The following SCN9A variants were observed in gnomAD, a reference collection of about 807,000 sequenced individuals.
SCN9A encodes the protein sodium channel protein type 9 subunit alpha.
In SCN9A, 131 loss-of-function variants were observed where a neutral mutation model predicts 187.0. The observed-to-expected ratio is 0.70, with a 90% CI of 0.61 to 0.81. The LOEUF (loss-of-function observed/expected upper bound fraction) is 0.81, where lower values mean the gene tolerates loss of function less well. Ranked by LOEUF, SCN9A falls within the 30% of genes least tolerant of loss-of-function variation. The pLI is 0.00. For synonymous variants in SCN9A, 809 were observed against 808.6 expected, an observed-to-expected ratio of 1.00 and a Z score of -0.01; for missense variants, 2,252 against 2,396.6, an observed-to-expected ratio of 0.94 and a Z score of 1.26.
intron 16 of SCN9A, chr2:166,276,458 T>A (rs1192383529): frequency 1.3e-5 from 2 of 152,222 alleles, no homozygotes; most frequent in African/African-American, 4.8e-5. Flanking sequence ...TATTCTTCTT[T>A]TGATTATTTT....
intron 17 of SCN9A, among the ~76,000 whole-genome samples, chr2:166,266,972 C>A (rs1696769092): frequency 6.6e-6 from 1 of 151,848 alleles, no homozygotes; most frequent in African/African-American, 2.4e-5. Context: ...TTAGAACTCT[C>A]TATATCTAAG....
chr2:166,207,571 G>T (rs1025467842), intron 24 of SCN9A, among the ~76,000 whole-genome samples: 1 of 152,030 alleles, frequency 6.6e-6, no homozygotes, highest in African/African-American at 2.4e-5. Flanking sequence ...CTCCCAAGTA[G>T]CTGGGATTAC....
At chr2:166,322,553 A>G (rs1275744797) in intron 1 of SCN9A, among the ~76,000 whole-genome samples, 1 of 152,156 alleles carries the variant, frequency 6.6e-6, no homozygotes, top group Non-Finnish European at 1.5e-5. Context: ...GCTTAACAGG[A>G]AGAGTTTTGC....
In SCN9A at chr2:166,197,943, AG is replaced by A. The variant is rs1693291281; in HGVS notation, c.*728del. The A allele has an allele frequency of 6.6e-6, 1 of 152,122 alleles. No homozygotes were observed. The highest frequency in any genetic ancestry group is 1.5e-5 in the Non-Finnish European group (1 of 67,986). The allele number at this position is 152,122 out of a possible 1,614,324, so 9.4% of individuals were successfully genotyped here. ...TTCTGTGGTTATTCTATGAACAAAA[AG>A]GGATATGAAAGAAGAAAGGCTATGA... On this transcript the variant is annotated 3_prime_UTR_variant, in exon 27 of 27. Coordinates refer to ENST00000642356, the MANE Select transcript of SCN9A (RefSeq NM_001365536.1).
chr2:166,369,100 G>C (rs1700490135), intron 1 of SCN9A, among the ~76,000 whole-genome samples: 1 of 151,844 alleles, frequency 6.6e-6, no homozygotes, highest in Non-Finnish European at 1.5e-5. Flanking sequence ...ACACTAAAGT[G>C]GCTGTTTTGG....
chr2:166,267,543 T>C (rs1259996656), intron 17 of SCN9A, among the ~76,000 whole-genome samples: 2 of 151,896 alleles, frequency 1.3e-5, no homozygotes, highest in African/African-American at 4.8e-5. Context: ...CCCTGTCTTG[T>C]TCTGGTATTG....
chr2:166,291,395 C>T lies in SCN9A; in HGVS notation c.1107+1836G>A, dbSNP rs142249394. Among the ~76,000 whole-genome samples the T allele has an allele frequency of 6.6e-4, 100 of 152,138 alleles. 3 individuals are homozygous for T. In the East Asian group the frequency reaches 0.018, roughly 28 times the overall value. On this transcript the variant is annotated intron_variant, in intron 9 of 26. Transcript: ENST00000642356. Reference sequence around the variant, plus strand: ...AGGATATGAAAGACCTCTTCAAGAACTACAAGCCACTACTCAAGGAAACAA... The same window carrying T: ...AGGATATGAAAGACCTCTTCAAGAATTACAAGCCACTACTCAAGGAAACAA...
intron 1 of SCN9A, among the ~76,000 whole-genome samples, chr2:166,338,430 A>T (rs12478446): frequency 0.011 from 1,616 of 152,162 alleles, 94 homozygotes; most frequent in Admixed American, 0.087. Flanking sequence ...GTACAAAAAC[A>T]GTTCTATACT....
chr2:166,231,686 AG>A (rs553045457), intron 21 of SCN9A, among the ~76,000 whole-genome samples: 2 of 150,378 alleles, frequency 1.3e-5, no homozygotes, highest in Non-Finnish European at 3.0e-5. Context: ...CTAGTAGCTG[AG>A]ACTACAGGTG....
At chr2:166,246,553 G>T (rs1359785279) in intron 18 of SCN9A, among the ~76,000 whole-genome samples, 2 of 151,744 alleles carry the variant, frequency 1.3e-5, no homozygotes, top group Non-Finnish European at 2.9e-5. Flanking sequence ...AAAAATACCA[G>T]AGAGAGCGAA....
At chr2:166,217,657 A>C (rs569053469) in intron 24 of SCN9A, among the ~76,000 whole-genome samples, 4 of 152,152 alleles carry the variant, frequency 2.6e-5, no homozygotes, top group African/African-American at 9.7e-5. Flanking sequence ...TAAAATCCCA[A>C]TGAAATATTA....
intron 24 of SCN9A, among the ~76,000 whole-genome samples, chr2:166,210,539 G>T (rs1441363896): frequency 1.0e-5 from 1 of 97,356 alleles, no homozygotes; most frequent in African/African-American, 3.9e-5. Context: ...AAAAAAGGTA[G>T]ATCATTTAAA....
At chr2:166,274,456 T>C (rs1242281101) in intron 16 of SCN9A, among the ~76,000 whole-genome samples, 1 of 152,156 alleles carries the variant, frequency 6.6e-6, no homozygotes. Flanking sequence ...CTATGGTCCT[T>C]AACCATTTCA....
rs781539035 is a variant in SCN9A at position 166,272,788 on chromosome 2, G to A, written c.2962C>T (p.Leu988Phe). 3.9e-6 allele frequency: 6 copies of A among 1,525,956 alleles called. No individual in the cohort carries two copies. Among genetic ancestry groups the A allele is most frequent in the Non-Finnish European group, 3.5e-6 (4 of 1,141,132 alleles). 94.5% of individuals were successfully genotyped at this position (1,525,956 alleles called of 1,614,324 possible). ...TTAATTCTAGTCACTGCAATCTGGA[G>A]GTTGTTTGCATCAGGGTCTTCTTCA... ...AIEEDPDANN[L>F]QIAVTRIKKG... The change falls in exon 17 of 27, where the codon CTC becomes TTC. Residue 988 changes from leucine (L) to phenylalanine (F), a missense_variant. Transcript: ENST00000642356.
intron 1 of SCN9A, among the ~76,000 whole-genome samples, chr2:166,332,149 A>G (rs1447256789): frequency 6.6e-6 from 1 of 152,160 alleles, no homozygotes; most frequent in Non-Finnish European, 1.5e-5. Flanking sequence ...AAATAAAGGA[A>G]GATTTTATTG....
intron 7 of SCN9A, among the ~76,000 whole-genome samples, chr2:166,300,044 T>A (rs1698487652): frequency 6.6e-6 from 1 of 150,904 alleles, no homozygotes; most frequent in East Asian, 1.9e-4. Context: ...CTTTATTTTC[T>A]CTTGCCTAGA....
intron 24 of SCN9A, among the ~76,000 whole-genome samples, chr2:166,223,275 T>A (rs1372821335): frequency 6.6e-6 from 1 of 152,222 alleles, no homozygotes; most frequent in Admixed American, 6.5e-5. Flanking sequence ...TTCAGCACTA[T>A]TTACTGTATC....
At chr2:166,253,976 C>T (rs1043012125) in intron 17 of SCN9A, among the ~76,000 whole-genome samples, 1 of 151,712 alleles carries the variant, frequency 6.6e-6, no homozygotes, top group Admixed American at 6.6e-5. Context: ...CTTCAAACAT[C>T]AATAATTGGT....
At chr2:166,274,526 C>A (rs1697143692) in intron 16 of SCN9A, among the ~76,000 whole-genome samples, 1 of 151,892 alleles carries the variant, frequency 6.6e-6, no homozygotes, top group Non-Finnish European at 1.5e-5. Flanking sequence ...AAAGAGAAGC[C>A]AGTTTAGCAT....
Sources: gnomAD v4.1 joint callset for allele counts (sites outside exome capture counted in the v4.1 genomes callset) on GRCh38, gnomAD v4.1.1 for gene constraint, MANE v1.5 for transcripts, NCBI Gene and HGNC (gene_info 2026-07-23, HGNC 2026-07-21) for gene names.